CACNA2D3: variants seen among roughly 807,000 people sequenced by gnomAD.
CACNA2D3 encodes the protein voltage-dependent calcium channel subunit alpha-2/delta-3.
Under a neutral mutation model 160.6 loss-of-function variants are expected in CACNA2D3, and 60 were observed. The ratio of observed to expected loss-of-function variants is 0.37; its 90% CI spans 0.30 to 0.46. The LOEUF (loss-of-function observed/expected upper bound fraction) is 0.46, where lower values mean the gene tolerates loss of function less well. CACNA2D3 is among the 20% of genes least tolerant of loss of function. The pLI, the probability that CACNA2D3 is intolerant of heterozygous loss-of-function variation, is 1.00. For synonymous variants in CACNA2D3, 558 were observed against 492.9 expected (o/e 1.13, Z -1.75); for missense variants, 1,205 against 1,365.0 (o/e 0.88, Z 1.85).
At chr3:54,563,424 G>A (rs533503336) in intron 6 of CACNA2D3, among the ~76,000 whole-genome samples, 16 of 152,094 alleles carry the variant, frequency 1.1e-4, no homozygotes, top group Non-Finnish European at 1.9e-4. Context: ...CCCAGGCGTC[G>A]CTGACGGCAA....
intron 27 of CACNA2D3, chr3:54,928,061 G>T (rs1336000348): frequency 4.2e-6 from 3 of 709,400 alleles, no homozygotes; most frequent in African/African-American, 1.8e-5. Context: ...GCAGAAAACA[G>T]TTGTTGCTTT....
intron 4 of CACNA2D3, among the ~76,000 whole-genome samples, chr3:54,498,839 AT>A (rs1351452687): frequency 6.6e-6 from 1 of 152,010 alleles, no homozygotes; most frequent in African/African-American, 2.4e-5. Context: ...TGACATATGT[AT>A]TATTAATAAG....
chr3:54,488,642 G>T (rs1193049976), intron 4 of CACNA2D3, among the ~76,000 whole-genome samples: 1 of 152,008 alleles, frequency 6.6e-6, no homozygotes, highest in African/African-American at 2.4e-5. Context: ...TGCTGAGGTG[G>T]GACACTCCCT....
intron 4 of CACNA2D3, among the ~76,000 whole-genome samples, chr3:54,391,908 G>A (rs1021945831): frequency 2.0e-5 from 3 of 152,072 alleles, no homozygotes; most frequent in African/African-American, 4.8e-5. Context: ...CCTTCTCTTG[G>A]TGTAGTTCTT....
At chr3:54,662,555 A>G (rs947247990) in intron 11 of CACNA2D3, among the ~76,000 whole-genome samples, 2 of 152,318 alleles carry the variant, frequency 1.3e-5, no homozygotes, top group Non-Finnish European at 2.9e-5. Context: ...GGCCCCGTCC[A>G]TAGGTCGTCC....
At chr3:54,225,256 A>G (rs1274524810) in intron 2 of CACNA2D3, among the ~76,000 whole-genome samples, 1 of 152,144 alleles carries the variant, frequency 6.6e-6, no homozygotes, top group Non-Finnish European at 1.5e-5. Flanking sequence ...TTCCAGCTTC[A>G]TCCATGTCCC....
At chr3:54,553,229 A>G (rs1466569084) in intron 5 of CACNA2D3, among the ~76,000 whole-genome samples, 1 of 152,272 alleles carries the variant, frequency 6.6e-6, no homozygotes, top group Non-Finnish European at 1.5e-5. Flanking sequence ...ACTATTTTCC[A>G]ATAGATATAA....
At chr3:54,135,927 T>G (rs1052001210) in intron 2 of CACNA2D3, among the ~76,000 whole-genome samples, 1 of 152,170 alleles carries the variant, frequency 6.6e-6, no homozygotes, top group African/African-American at 2.4e-5. Context: ...GGCCAGTGTA[T>G]TGAGGCCACA....
intron 35 of CACNA2D3, among the ~76,000 whole-genome samples, chr3:55,053,483 A>G (rs949999195): frequency 3.9e-5 from 6 of 152,002 alleles, no homozygotes; most frequent in African/African-American, 1.4e-4. Flanking sequence ...GCAATGATTC[A>G]TGATTTTCAG....
intron 2 of CACNA2D3, among the ~76,000 whole-genome samples, chr3:54,285,112 G>T (rs1289196387): frequency 6.6e-6 from 1 of 152,196 alleles, no homozygotes. Context: ...CACCGTGCGC[G>T]AGCCGAAGCA....
At chr3:54,561,148 T>C (rs1702318553) in intron 5 of CACNA2D3, among the ~76,000 whole-genome samples, 1 of 152,244 alleles carries the variant, frequency 6.6e-6, no homozygotes, top group Non-Finnish European at 1.5e-5. Flanking sequence ...TAGCATTCAA[T>C]CTATGAATTG....
At chr3:54,641,442 G>C (rs2106845038) in intron 10 of CACNA2D3, among the ~76,000 whole-genome samples, 1 of 152,240 alleles carries the variant, frequency 6.6e-6, no homozygotes, top group Admixed American at 6.5e-5. Flanking sequence ...CCTCTAAGTG[G>C]CAGGCTTCAG....
At chr3:54,899,663 T>G (rs1381853201) in intron 26 of CACNA2D3, 125 bp from the exon 27 acceptor site, 2 of 690,600 alleles carry the variant, frequency 2.9e-6, no homozygotes, top group Admixed American at 4.7e-5. Flanking sequence ...CAGAGGACTC[T>G]GGGGCCTGGG....
chr3:54,743,454 C>T (rs1339428852), intron 11 of CACNA2D3, among the ~76,000 whole-genome samples: 1 of 152,094 alleles, frequency 6.6e-6, no homozygotes, highest in Non-Finnish European at 1.5e-5. Flanking sequence ...TCAGGACCTT[C>T]CAGGGCATCT....
At chr3:54,128,097 C>T (rs188888780) in intron 2 of CACNA2D3, among the ~76,000 whole-genome samples, 32 of 152,196 alleles carry the variant, frequency 2.1e-4, no homozygotes, top group Non-Finnish European at 3.8e-4. Context: ...TGGAGGCAAA[C>T]TTCAAATTTT....
intron 2 of CACNA2D3, among the ~76,000 whole-genome samples, chr3:54,303,818 GTTTTTTTTT>G (rs71617795): frequency 4.3e-5 from 5 of 115,006 alleles, no homozygotes; most frequent in African/African-American, 1.4e-4. Flanking sequence ...CTTTTTTTCT[GTTTTTTTTT>G]TTTTTTTTTT....
At chr3:54,576,202 C>T (rs954472155) in intron 8 of CACNA2D3, among the ~76,000 whole-genome samples, 6 of 152,190 alleles carry the variant, frequency 3.9e-5, no homozygotes, top group Admixed American at 3.3e-4. Flanking sequence ...GAATTGCTTT[C>T]ATCTCTCAAG....
chr3:54,693,029 AAACCACCACC>A (rs892671900), intron 11 of CACNA2D3, among the ~76,000 whole-genome samples: 3 of 151,900 alleles, frequency 2.0e-5, no homozygotes, highest in African/African-American at 2.4e-5. Flanking sequence ...TGTAAAAAAA[AAACCACCACC>A]ACCACCACCA....
chr3:54,886,098 G>A (rs1699918499), intron 23 of CACNA2D3, among the ~76,000 whole-genome samples: 1 of 152,132 alleles, frequency 6.6e-6, no homozygotes, highest in African/African-American at 2.4e-5. Context: ...CTCAGCTGGT[G>A]CAAAAGAGGG....
Sources: gnomAD v4.1 joint callset for allele counts (sites outside exome capture counted in the v4.1 genomes callset) on GRCh38, gnomAD v4.1.1 for gene constraint, MANE v1.5 for transcripts, NCBI Gene and HGNC (gene_info 2026-07-23, HGNC 2026-07-21) for gene names.